The following NCEH1 variants were observed in gnomAD, a reference collection of about 807,000 sequenced individuals.
The protein encoded by NCEH1 is neutral cholesterol ester hydrolase 1.
A neutral mutation model predicts 25.4 loss-of-function variants in NCEH1; 9 were observed. The ratio of observed to expected loss-of-function variants is 0.35; its 90% CI spans 0.21 to 0.62. The LOEUF is 0.62. Ranked by LOEUF, NCEH1 falls within the 20% of genes least tolerant of loss-of-function variation. The probability of loss-of-function intolerance (pLI) is 0.72; values close to 1 mark genes in which losing one functional copy is unlikely to be tolerated. For synonymous variants in NCEH1, 200 were observed against 199.8 expected (o/e 1.00, Z -0.01); for missense variants, 412 against 501.1 (o/e 0.82, Z 1.70).
At chr3:172,696,870 T>G (rs1222603808) in intron 1 of NCEH1, among the ~76,000 whole-genome samples, 1 of 152,184 alleles carries the variant, frequency 6.6e-6, no homozygotes, top group Admixed American at 6.5e-5. Flanking sequence ...AAATCCTGAT[T>G]AACTCTGTTA....
At chr3:172,705,506 C>T (rs1407098482) in intron 1 of NCEH1, among the ~76,000 whole-genome samples, 1 of 152,172 alleles carries the variant, frequency 6.6e-6, no homozygotes, top group Non-Finnish European at 1.5e-5. Context: ...AGGGGGAAGA[C>T]GTCAAGTGAC....
chr3:172,674,691 C>T (rs1237446884), intron 1 of NCEH1, among the ~76,000 whole-genome samples: 1 of 152,164 alleles, frequency 6.6e-6, no homozygotes, highest in Non-Finnish European at 1.5e-5. Context: ...AAATTATTTA[C>T]TATGCCACTC....
At chr3:172,645,219 C>G (rs966755638) in intron 3 of NCEH1, among the ~76,000 whole-genome samples, 1 of 152,142 alleles carries the variant, frequency 6.6e-6, no homozygotes, top group Non-Finnish European at 1.5e-5. Context: ...ACACGTATTT[C>G]TGTTCCCAAG....
At chr3:172,666,128 TA>T (rs1718195370) in intron 1 of NCEH1, among the ~76,000 whole-genome samples, 1 of 152,016 alleles carries the variant, frequency 6.6e-6, no homozygotes, top group South Asian at 2.1e-4. Flanking sequence ...ATTTCTTTTC[TA>T]ACAGAAAAAC....
rs73038646 is a variant in NCEH1 at position 172,636,562 on chromosome 3, C to T, written c.438-475G>A. Among the ~76,000 whole-genome samples the T allele has an allele frequency of 4.8e-3, 735 of 152,310 alleles. 5 individuals carry two copies. The highest frequency in any genetic ancestry group is 0.017 in the African/African-American group (708 of 41,568). ...CCATCATTTACTTCATATAATAAAA[C>T]TGTACTTCACTGGAGAGGTCCATAT... On this transcript the variant is annotated intron_variant, in intron 3 of 4. Coordinates refer to ENST00000475381, the MANE Select transcript of NCEH1 (RefSeq NM_020792.6).
Position 172,635,930 on chromosome 3 carries a change from C to T in NCEH1, c.595G>A (p.Ala199Thr). ...AGTGGTGTTACCTGTTGTCCAAGGG[C>T]AGCAGCCAGATTTCCACCAGCACTG... ...GDSAGGNLAAALGQQFTQDAS... is the reference protein window; with the variant it reads ...GDSAGGNLAATLGQQFTQDAS... Residue 199 changes from alanine (A) to threonine (T), a missense_variant, in exon 4 of 5, where the codon GCC (alanine) becomes ACC (threonine). Physicochemically the swap from Ala to Thr is moderately conservative, Grantham distance 58 (BLOSUM62 0). Coordinates refer to ENST00000475381, the MANE Select transcript of NCEH1 (RefSeq NM_020792.6). 6.2e-7 allele frequency: 1 copy of T among 1,614,110 alleles called. No homozygotes were observed. The highest frequency in any genetic ancestry group is 8.5e-7 in the Non-Finnish European group (1 of 1,179,996).
chr3:172,648,046 A>G lies in NCEH1; in HGVS notation c.207T>C (p.Phe69=). The change falls in exon 2 of 5, where the codon TTT becomes TTC. Residue 69 remains phenylalanine, a synonymous_variant. Coordinates refer to ENST00000475381, the MANE Select transcript of NCEH1 (RefSeq NM_020792.6). The part of the protein sequence containing the change: ...LLALNFIIVS[F]GKKSAWSSAQ... ...CAGAAGACCACGCGCTTTTTTTGCCAAAAGAAACAATGATAAAATTCAGTG... is the reference window on the plus strand; with the variant it reads ...CAGAAGACCACGCGCTTTTTTTGCCGAAAGAAACAATGATAAAATTCAGTG... 2.5e-6 allele frequency: 4 copies of G among 1,614,084 alleles called. No individual in the cohort carries two copies. Among genetic ancestry groups the G allele is most frequent in the Non-Finnish European group, 2.5e-6 (3 of 1,180,008 alleles).
At chr3:172,691,712 G>A (rs1713052488) in intron 1 of NCEH1, among the ~76,000 whole-genome samples, 1 of 152,298 alleles carries the variant, frequency 6.6e-6, no homozygotes, top group Admixed American at 6.5e-5. Context: ...CACTTGGGGA[G>A]GCTGAGGCAG....
At chr3:172,646,815 C>G (rs917871628) in intron 2 of NCEH1, among the ~76,000 whole-genome samples, 3 of 152,170 alleles carry the variant, frequency 2.0e-5, no homozygotes, top group African/African-American at 4.8e-5. Flanking sequence ...TCCTGGCAAG[C>G]GTCCAATGCT....
intron 1 of NCEH1, among the ~76,000 whole-genome samples, chr3:172,682,103 T>A (rs1712413559): frequency 6.6e-6 from 1 of 152,176 alleles, no homozygotes; most frequent in Non-Finnish European, 1.5e-5. Context: ...CAGGGAGTGC[T>A]GGAATAGACA....
intron 1 of NCEH1, among the ~76,000 whole-genome samples, chr3:172,671,506 T>TACACACACAC (rs537504265): frequency 3.5e-4 from 50 of 143,244 alleles, no homozygotes; most frequent in South Asian, 1.7e-3. Flanking sequence ...CACATACACA[T>TACACACACAC]ACACACACAC....
intron 1 of NCEH1, among the ~76,000 whole-genome samples, chr3:172,683,402 C>CAAAAAA (rs1165644401): frequency 1.3e-4 from 2 of 15,690 alleles, no homozygotes; most frequent in African/African-American, 2.2e-4. Context: ...GACTCCGTCT[C>CAAAAAA]AAAAAAAAAA....
intron 1 of NCEH1, among the ~76,000 whole-genome samples, chr3:172,674,878 G>A (rs757561368): frequency 6.6e-6 from 1 of 152,176 alleles, no homozygotes; most frequent in Non-Finnish European, 1.5e-5. Flanking sequence ...CTTATAGCAG[G>A]AGTAATAGTT....
At chr3:172,694,396 G>A (rs1236381861) in intron 1 of NCEH1, among the ~76,000 whole-genome samples, 1 of 69,864 alleles carries the variant, frequency 1.4e-5, no homozygotes, top group Non-Finnish European at 3.4e-5. Context: ...GTGTGTGTCT[G>A]TGTGTGTGTG....
intron 1 of NCEH1, among the ~76,000 whole-genome samples, chr3:172,652,228 G>T (rs1328432175): frequency 6.6e-6 from 1 of 152,192 alleles, no homozygotes; most frequent in African/African-American, 2.4e-5. Flanking sequence ...GATTCTGTGT[G>T]CCCAGTGAAA....
At chr3:172,660,887 G>A (rs1577066671) in intron 1 of NCEH1, among the ~76,000 whole-genome samples, 2 of 152,184 alleles carry the variant, frequency 1.3e-5, no homozygotes, top group South Asian at 4.2e-4. Context: ...TTGTCAGATG[G>A]GAAGATTGTA....
At chr3:172,650,305 C>G (rs933550771) in intron 1 of NCEH1, among the ~76,000 whole-genome samples, 1 of 152,008 alleles carries the variant, frequency 6.6e-6, no homozygotes, top group African/African-American at 2.4e-5. Flanking sequence ...GAGCTAGAGA[C>G]CAGCCTGGCC....
chr3:172,680,123 A>T (rs1712257138), intron 1 of NCEH1, among the ~76,000 whole-genome samples: 1 of 152,164 alleles, frequency 6.6e-6, no homozygotes. Context: ...GAGTTTCTCC[A>T]GGTGATTCTT....
At chr3:172,673,483 CATTT>C (rs1375759140) in intron 1 of NCEH1, among the ~76,000 whole-genome samples, 1 of 152,238 alleles carries the variant, frequency 6.6e-6, no homozygotes, top group Non-Finnish European at 1.5e-5. Flanking sequence ...AGGTGGCTAA[CATTT>C]ATACTGACTC....
Sources: gnomAD v4.1 joint callset for allele counts (sites outside exome capture counted in the v4.1 genomes callset) on GRCh38, gnomAD v4.1.1 for gene constraint, MANE v1.5 for transcripts, NCBI Gene and HGNC (gene_info 2026-07-23, HGNC 2026-07-21) for gene names.